UBE2G2: variants seen among roughly 807,000 people sequenced by gnomAD.
The protein encoded by UBE2G2 is ubiquitin-conjugating enzyme E2 G2.
In UBE2G2, 10 loss-of-function variants were observed where a neutral mutation model predicts 23.0. The ratio of observed to expected loss-of-function variants is 0.43; its 90% CI spans 0.27 to 0.74. UBE2G2 has a LOEUF of 0.74. UBE2G2 is among the 30% of genes least tolerant of loss of function. The pLI is 0.19. For missense variants in UBE2G2, 150 were observed against 218.3 expected (o/e 0.69, Z 1.97); for synonymous variants, 86 against 81.3 (o/e 1.06, Z -0.31).
intron 1 of UBE2G2, among the ~76,000 whole-genome samples, chr21:44,791,727 C>T (rs1221932532): frequency 6.6e-6 from 1 of 152,216 alleles, no homozygotes; most frequent in African/African-American, 2.4e-5. Context: ...TGGGGCACTG[C>T]CTAGTGGAGC....
chr21:44,789,533 C>T (rs2083027491), intron 1 of UBE2G2, among the ~76,000 whole-genome samples: 2 of 152,050 alleles, frequency 1.3e-5, no homozygotes, highest in Admixed American at 6.6e-5. Context: ...CAGAAGCATA[C>T]CTGTACCAAC....
intron 1 of UBE2G2, among the ~76,000 whole-genome samples, chr21:44,799,455 A>G (rs2083118291): frequency 6.6e-6 from 1 of 152,116 alleles, no homozygotes; most frequent in South Asian, 2.1e-4. Flanking sequence ...TCTTCTGGAG[A>G]CCTTGCTGCT....
At chr21:44,784,670 T>C (rs924432091) in intron 3 of UBE2G2, among the ~76,000 whole-genome samples, 1 of 152,150 alleles carries the variant, frequency 6.6e-6, no homozygotes, top group African/African-American at 2.4e-5. Context: ...GAAGGGCTCC[T>C]GGTAGAAGCC....
At chr21:44,782,032 A>G (rs933578034) in intron 3 of UBE2G2, among the ~76,000 whole-genome samples, 20 of 152,360 alleles carry the variant, frequency 1.3e-4, no homozygotes, top group African/African-American at 4.8e-4. Flanking sequence ...ATATTCTAAC[A>G]TAGACAATCA....
At chr21:44,776,488 C>A (rs1338853375) in intron 4 of UBE2G2, among the ~76,000 whole-genome samples, 1 of 152,126 alleles carries the variant, frequency 6.6e-6, no homozygotes, top group Non-Finnish European at 1.5e-5. Context: ...ACAAATACTA[C>A]TTTGTATCAT....
chr21:44,775,807 T>C (rs1356253338), intron 4 of UBE2G2, among the ~76,000 whole-genome samples: 1 of 152,206 alleles, frequency 6.6e-6, no homozygotes, highest in Non-Finnish European at 1.5e-5. Flanking sequence ...TACCTATCAA[T>C]TGTATTTTTT....
At chr21:44,799,921 C>T (rs2083121739) in intron 1 of UBE2G2, 1 of 152,124 alleles carries the variant, frequency 6.6e-6, no homozygotes, top group Non-Finnish European at 1.5e-5. Context: ...TTACTATTGG[C>T]CTAATTTCAA....
chr21:44,796,396 T>A (rs1318935464), intron 1 of UBE2G2, among the ~76,000 whole-genome samples: 2 of 152,172 alleles, frequency 1.3e-5, no homozygotes, highest in African/African-American at 4.8e-5. Flanking sequence ...TGCATGAACA[T>A]CTAACCAAAT....
At chr21:44,799,065 T>G (rs578187776) in intron 1 of UBE2G2, among the ~76,000 whole-genome samples, 2 of 152,304 alleles carry the variant, frequency 1.3e-5, no homozygotes, top group Non-Finnish European at 2.9e-5. Context: ...AGGAATAGTA[T>G]TTTGAAGATA....
chr21:44,780,978 C>T (rs531742265), intron 3 of UBE2G2, among the ~76,000 whole-genome samples: 5 of 152,218 alleles, frequency 3.3e-5, no homozygotes, highest in African/African-American at 1.2e-4. Flanking sequence ...CGCCGGCAAG[C>T]GGTGTTCCAG....
intron 1 of UBE2G2, among the ~76,000 whole-genome samples, chr21:44,798,291 C>T (rs1324585608): frequency 9.9e-5 from 15 of 152,234 alleles, no homozygotes; most frequent in Admixed American, 9.8e-4. Context: ...ATATTGATGA[C>T]TGCTGACTGA....
chr21:44,787,927 A>G lies in UBE2G2; in HGVS notation c.118T>C (p.Leu40=), dbSNP rs2083008954. 1.1e-5 allele frequency: 17 copies of G among 1,613,864 alleles called. No homozygotes were observed. Among genetic ancestry groups the G allele is most frequent in the Non-Finnish European group, 1.4e-5 (17 of 1,179,964 alleles). Residue 40 remains leucine, a synonymous_variant, in exon 3 of 6, where the codon TTG becomes CTG. Coordinates refer to ENST00000345496, the MANE Select transcript of UBE2G2 (RefSeq NM_003343.6). The part of the protein sequence containing the change: ...NEENFFEWEA[L]IMGPEDTCFE... ...CACCTAAAATTAACTTACATGATCAATGCCTCCCATTCAAAAAAGTTCTCT... is the reference window on the plus strand; with the variant it reads ...CACCTAAAATTAACTTACATGATCAGTGCCTCCCATTCAAAAAAGTTCTCT...
chr21:44,800,269 TGTTCTGCTTTAGCAGACACTAGGTGGC>T (rs1237796483), intron 1 of UBE2G2: 4 of 152,258 alleles, frequency 2.6e-5, no homozygotes, highest in African/African-American at 9.6e-5. Context: ...TGTGCCTTTA[TGTTCTGCTTTAGCAGACACTAGGTGGC>T]GAGCGTTATT....
At chr21:44,801,627 T>C in intron 1 of UBE2G2, 79 bp downstream of exon 1, 1 of 1,455,668 alleles carries the variant, frequency 6.9e-7, no homozygotes, top group Non-Finnish European at 9.0e-7. Context: ...CCAGGCTCCC[T>C]GCCCCAGCCC....
chr21:44,791,186 C>A (rs368906054), intron 1 of UBE2G2, among the ~76,000 whole-genome samples: 1 of 152,114 alleles, frequency 6.6e-6, no homozygotes, highest in African/African-American at 2.4e-5. Flanking sequence ...TTGAAAACTT[C>A]GCAGCATGAC....
At chr21:44,779,535 C>T (rs2082941026) in intron 3 of UBE2G2, among the ~76,000 whole-genome samples, 2 of 151,990 alleles carry the variant, frequency 1.3e-5, no homozygotes, top group African/African-American at 2.4e-5. Context: ...TGGCACCCAG[C>T]GCCCGGCAGC....
chr21:44,774,975 A>T, intron 4 of UBE2G2: 1 of 310,314 alleles, frequency 3.2e-6, no homozygotes, highest in Non-Finnish European at 6.3e-6. Context: ...CGGTGTCTCT[A>T]CCCTAGACCA....
chr21:44,791,854 G>A (rs901217339), intron 1 of UBE2G2, among the ~76,000 whole-genome samples: 2 of 152,160 alleles, frequency 1.3e-5, no homozygotes, highest in African/African-American at 2.4e-5. Flanking sequence ...GTAGCTGAAG[G>A]GGGTGGGTGT....
chr21:44,788,371 G>GCT (rs2083016588), intron 1 of UBE2G2, among the ~76,000 whole-genome samples: 1 of 144,048 alleles, frequency 6.9e-6, no homozygotes. Context: ...CTCACTGCAA[G>GCT]CTCCACCTCC....
Sources: gnomAD v4.1 joint callset for allele counts (sites outside exome capture counted in the v4.1 genomes callset) on GRCh38, gnomAD v4.1.1 for gene constraint, MANE v1.5 for transcripts, NCBI Gene and HGNC (gene_info 2026-07-23, HGNC 2026-07-21) for gene names.